CADM2: variants seen among roughly 807,000 people sequenced by gnomAD.
CADM2 encodes the protein immunoglobulin superfamily member 4D.
Under a neutral mutation model 49.8 loss-of-function variants are expected in CADM2, and 12 were observed. The ratio of observed to expected loss-of-function variants is 0.24; its 90% CI spans 0.15 to 0.39. The LOEUF (loss-of-function observed/expected upper bound fraction) is 0.39, where lower values mean the gene tolerates loss of function less well. Ranked by LOEUF, CADM2 falls within the 10% of genes least tolerant of loss-of-function variation. The probability of loss-of-function intolerance (pLI) is 1.00; values close to 1 mark genes in which losing one functional copy is unlikely to be tolerated. For missense variants in CADM2, 378 were observed against 492.3 expected (o/e 0.77, Z 2.20); for synonymous variants, 214 against 175.4 (o/e 1.22, Z -1.74).
chr3:85,965,402 A>T (rs554170670), intron 8 of CADM2, among the ~76,000 whole-genome samples: 15 of 151,214 alleles, frequency 9.9e-5, no homozygotes, highest in African/African-American at 3.4e-4. Flanking sequence ...ATACAGATAT[A>T]TAATAAATTA....
chr3:85,192,952 T>C (rs1478838242), intron 1 of CADM2, among the ~76,000 whole-genome samples: 1 of 152,090 alleles, frequency 6.6e-6, no homozygotes, highest in Non-Finnish European at 1.5e-5. Flanking sequence ...ATATAAATGA[T>C]GCAAGTATAA....
At chr3:85,589,300 C>A (rs1214112530) in intron 1 of CADM2, among the ~76,000 whole-genome samples, 13 of 152,060 alleles carry the variant, frequency 8.5e-5, no homozygotes, top group Non-Finnish European at 1.5e-5. Flanking sequence ...ATTTGAGTTT[C>A]TGACCCTAAA....
chr3:85,694,980 G>C (rs1379967779), intron 1 of CADM2, among the ~76,000 whole-genome samples: 1 of 151,916 alleles, frequency 6.6e-6, no homozygotes, highest in African/African-American at 2.4e-5. Flanking sequence ...ATAACTAATT[G>C]GCTCTAAAAG....
At chr3:85,379,797 T>C (rs1576450460) in intron 1 of CADM2, among the ~76,000 whole-genome samples, 1 of 152,146 alleles carries the variant, frequency 6.6e-6, no homozygotes, top group East Asian at 1.9e-4. Context: ...CTCCATTAAA[T>C]TCATTTTGTA....
intron 1 of CADM2, among the ~76,000 whole-genome samples, chr3:85,347,772 G>C (rs2107223849): frequency 6.6e-6 from 1 of 150,804 alleles, no homozygotes; most frequent in East Asian, 1.9e-4. Flanking sequence ...CTGCATAGTA[G>C]CTGAGATTAC....
intron 1 of CADM2, among the ~76,000 whole-genome samples, chr3:85,660,176 G>A (rs2065356068): frequency 6.6e-6 from 1 of 152,104 alleles, no homozygotes; most frequent in Non-Finnish European, 1.5e-5. Flanking sequence ...TGCAAAAAGG[G>A]TAAGAGATTT....
At chr3:84,963,294 A>C (rs1409311927) in intron 1 of CADM2, among the ~76,000 whole-genome samples, 1 of 152,184 alleles carries the variant, frequency 6.6e-6, no homozygotes, top group African/African-American at 2.4e-5. Flanking sequence ...TCTCTTGGCT[A>C]TACAGTAGAT....
At chr3:85,870,937 A>T (rs908371874) in intron 3 of CADM2, among the ~76,000 whole-genome samples, 2 of 152,126 alleles carry the variant, frequency 1.3e-5, no homozygotes, top group East Asian at 1.9e-4. Context: ...AACTATAAAA[A>T]CTCTGGAAGA....
intron 1 of CADM2, among the ~76,000 whole-genome samples, chr3:85,120,384 G>A (rs71496281): frequency 3.9e-5 from 6 of 152,196 alleles, no homozygotes; most frequent in East Asian, 1.9e-4. Flanking sequence ...ACATGTACAC[G>A]TATATTTATT....
At chr3:85,833,771 A>G (rs188695980) in intron 3 of CADM2, among the ~76,000 whole-genome samples, 88 of 151,740 alleles carry the variant, frequency 5.8e-4, no homozygotes, top group African/African-American at 2.0e-3. Context: ...GTTACAGACA[A>G]AGCTATATCA....
chr3:85,575,820 C>CA (rs1359162227), intron 1 of CADM2, among the ~76,000 whole-genome samples: 1 of 151,968 alleles, frequency 6.6e-6, no homozygotes, highest in South Asian at 2.1e-4. Flanking sequence ...AAAGAGCATG[C>CA]AAAAATATGT....
intron 1 of CADM2, among the ~76,000 whole-genome samples, chr3:85,470,102 T>A (rs1239550794): frequency 6.6e-6 from 1 of 152,206 alleles, no homozygotes; most frequent in Non-Finnish European, 1.5e-5. Context: ...TACCTTCAGG[T>A]GTCCAATAAA....
intron 1 of CADM2, among the ~76,000 whole-genome samples, chr3:85,648,782 G>C (rs2064962772): frequency 6.6e-6 from 1 of 151,820 alleles, no homozygotes; most frequent in South Asian, 2.1e-4. Flanking sequence ...TCTTTTCTTT[G>C]GATGCATTTT....
At chr3:85,453,776 G>C (rs1312376916) in intron 1 of CADM2, among the ~76,000 whole-genome samples, 2 of 152,146 alleles carry the variant, frequency 1.3e-5, no homozygotes, top group African/African-American at 2.4e-5. Context: ...CTATGTTAAA[G>C]AGATTCAAAT....
chr3:85,673,902 C>G (rs2107640481), intron 1 of CADM2, among the ~76,000 whole-genome samples: 1 of 152,202 alleles, frequency 6.6e-6, no homozygotes, highest in Non-Finnish European at 1.5e-5. Context: ...TTAGGATTGC[C>G]ATTAAAAAAT....
intron 1 of CADM2, among the ~76,000 whole-genome samples, chr3:85,401,300 C>T (rs143267489): frequency 3.3e-5 from 5 of 152,234 alleles, no homozygotes; most frequent in East Asian, 1.9e-4. Flanking sequence ...TCTTAGTAGA[C>T]GGTCACGGAT....
At position 85,535,838 on chromosome 3, in the gene CADM2, A is replaced by G. The variant is rs188606170; in HGVS notation, c.62-190684A>G. On this transcript the variant is annotated intron_variant, in intron 1 of 9. Transcript: ENST00000383699. ...GGAAATTAGCATGGTTAGATGAAAA[A>G]AGGAAGCCTTGAGCAGAGCAACCCT... is the stretch of plus-strand genomic sequence containing the variant. 3.2e-4 allele frequency among the ~76,000 whole-genome samples: 49 copies of G among 152,212 alleles called. 1 individual carries two copies. The East Asian group carries it at 9.1e-3, about 28-fold the overall frequency.
chr3:85,042,120 G>A (rs1372930500), intron 1 of CADM2, among the ~76,000 whole-genome samples: 2 of 152,038 alleles, frequency 1.3e-5, no homozygotes, highest in Non-Finnish European at 2.9e-5. Flanking sequence ...TTTCTCCAGC[G>A]TCTCTCCATT....
rs1402760459 is a variant in CADM2, at chr3:86,073,876, A to G, written c.*7093A>G. 2 of 151,938 alleles carry G rather than the reference A, an allele frequency of 1.3e-5. No homozygotes were observed. The highest frequency in any genetic ancestry group is 2.9e-5 in the Non-Finnish European group (2 of 67,860). The allele number at this position is 151,938 out of a possible 1,614,324, so 9.4% of individuals were successfully genotyped here. The stretch of plus-strand genomic sequence containing the variant: ...ATGCCCATTTTCTTTGTAAATTTCT[A>G]AGTGGAAGTTTTAAAAATTAAGCAT... On this transcript the variant is annotated 3_prime_UTR_variant, in exon 10 of 10. Transcript: ENST00000383699.
Sources: gnomAD v4.1 joint callset for allele counts (sites outside exome capture counted in the v4.1 genomes callset) on GRCh38, gnomAD v4.1.1 for gene constraint, MANE v1.5 for transcripts, NCBI Gene and HGNC (gene_info 2026-07-23, HGNC 2026-07-21) for gene names.